The following NSDHL variants were observed in gnomAD, a reference collection of about 807,000 sequenced individuals.
The protein encoded by NSDHL is sterol-4-alpha-carboxylate 3-dehydrogenase, decarboxylating.
A neutral mutation model predicts 23.0 loss-of-function variants in NSDHL; 1 was observed. The observed-to-expected ratio is 0.04, with a 90% CI of 0.02 to 0.21. The LOEUF (loss-of-function observed/expected upper bound fraction) is 0.21. Among genes scored for constraint, NSDHL ranks in the 10% least tolerant of loss-of-function variants. The pLI is 1.00. For synonymous variants in NSDHL, 128 were observed against 121.1 expected, an observed-to-expected ratio of 1.06 and a Z score of -0.37; for missense variants, 237 against 300.9, an observed-to-expected ratio of 0.79 and a Z score of 1.57.
chrX:152,851,647 G>A (rs1556846314), intron 3 of NSDHL, among the ~76,000 whole-genome samples: 1 of 110,373 alleles, frequency 9.1e-6, no homozygotes, highest in African/African-American at 3.3e-5. Flanking sequence ...TGCTGCCTCC[G>A]AACCGTTCTC....
In NSDHL at chrX:152,835,695, A is replaced by G. The variant is rs1602920768; in HGVS notation, c.-44+4578A>G. Among the ~76,000 whole-genome samples, 4 of 111,791 alleles carry G rather than the reference A, an allele frequency of 3.6e-5. No homozygotes were observed. The South Asian group carries it at 1.1e-3, about 32-fold the overall frequency. On this transcript the variant is annotated intron_variant, in intron 1 of 7. Coordinates refer to ENST00000370274, the MANE Select transcript of NSDHL (RefSeq NM_015922.3). ...GTGCCACATTTTCTTAATCCAGTCT[A>G]TCAGTGTTGGACATTTGGGTTGGTT...
chrX:152,845,664 A>G (rs1556845440), intron 1 of NSDHL, among the ~76,000 whole-genome samples: 1 of 111,360 alleles, frequency 9.0e-6, no homozygotes, highest in African/African-American at 3.3e-5. Flanking sequence ...CTGATGGCCC[A>G]AGATGCTAAG....
Position 152,868,841 on chromosome X carries a change from C to T in NSDHL, c.847C>T (p.Leu283=). ...TTTCTGGACATTCCTGTCTCGCATC[C>T]TGACAGGCCTCAATTATGAGGCCCC... ...IPFWTFLSRI[L]TGLNYEAPKY... Residue 283 remains leucine, a synonymous_variant, in exon 8 of 8, where the codon CTG becomes TTG. Coordinates refer to ENST00000370274, the MANE Select transcript of NSDHL (RefSeq NM_015922.3). 1 of 1,211,324 alleles carries T rather than the reference C, an allele frequency of 8.3e-7. No homozygotes were observed. The highest frequency in any genetic ancestry group is 1.7e-5 in the African/African-American group (1 of 57,890).
chrX:152,867,281 G>T (rs1255823014), intron 6 of NSDHL, among the ~76,000 whole-genome samples: 1 of 112,242 alleles, frequency 8.9e-6, no homozygotes, highest in African/African-American at 3.2e-5. Flanking sequence ...GGGCTGAAAA[G>T]CTGCTACCCA....
At chrX:152,860,555 G>A (rs1411275594) in intron 4 of NSDHL, among the ~76,000 whole-genome samples, 2 of 110,737 alleles carry the variant, frequency 1.8e-5, no homozygotes, top group South Asian at 3.9e-4. Context: ...ACCTCTACAC[G>A]AATTTTTAAA....
rs782354864 is a variant in NSDHL, at chrX:152,846,356, A to G, written c.32A>G (p.Asp11Gly). The change falls in exon 2 of 8, where the codon GAC becomes GGC. Residue 11 changes from aspartate to glycine, a missense_variant. Physicochemically the swap from Asp to Gly is moderately conservative, Grantham distance 94. Around this residue, in one of 3 missense-constraint regions of NSDHL, gnomAD observed 81 missense variants for 103.3 expected, o/e 0.78. Coordinates refer to ENST00000370274, the MANE Select transcript of NSDHL (RefSeq NM_015922.3). ...CCAGCAGTTAGCGAGCCAATGAGAGACCAAGTCGCACGGACTCATTTGACA... is the reference window on the plus strand; with the variant it reads ...CCAGCAGTTAGCGAGCCAATGAGAGGCCAAGTCGCACGGACTCATTTGACA... MEPAVSEPMRDQVARTHLTED... is the reference protein window; with the variant it reads MEPAVSEPMRGQVARTHLTED... 2 of 1,210,872 alleles carry G rather than the reference A, an allele frequency of 1.7e-6. No homozygotes were observed. Among genetic ancestry groups the G allele is most frequent in the Non-Finnish European group, 2.2e-6 (2 of 894,412 alleles).
In NSDHL at chrX:152,858,877, C is replaced by G; in HGVS notation, c.375C>G (p.Thr125=). 8.3e-7 allele frequency: 1 copy of G among 1,207,325 alleles called. No homozygotes were observed. Residue 125 remains threonine, a synonymous_variant, in exon 4 of 8, where the codon ACC becomes ACG. Transcript: ENST00000370274. ...TTTATAGAGTGAATTACATTGGCAC[C>G]AAGAATGTCATTGAAACTTGCAAAG... ...ELFYRVNYIG[T]KNVIETCKEA...
rs781816721 is a variant in NSDHL, at chrX:152,838,263, AT to A, written c.-44+7154del. ...AAAAAACCAGCTCCTGGATTCACTG[AT>A]TTTTTTTGAAGGGTTTTTTGTGTCT... On this transcript the variant is annotated intron_variant, in intron 1 of 7. Transcript: ENST00000370274. Among the ~76,000 whole-genome samples the A allele has an allele frequency of 4.0e-4, 44 of 110,634 alleles. No homozygotes were observed. In the East Asian group the frequency reaches 4.6e-3, roughly 11 times the overall value.
At chrX:152,838,180 TCTCTC>T (rs1208522712) in intron 1 of NSDHL, among the ~76,000 whole-genome samples, 1 of 112,097 alleles carries the variant, frequency 8.9e-6, no homozygotes, top group Non-Finnish European at 1.9e-5. Context: ...ATTTGATTCT[TCTCTC>T]TTTTCTTCTT....
chrX:152,861,913 C>T (rs1256978852), intron 4 of NSDHL, among the ~76,000 whole-genome samples: 2 of 110,088 alleles, frequency 1.8e-5, no homozygotes, highest in East Asian at 2.8e-4. Flanking sequence ...CATCTGTAAG[C>T]GATGGAAGTT....
chrX:152,851,754 C>T (rs893599096), intron 3 of NSDHL, among the ~76,000 whole-genome samples: 4 of 110,869 alleles, frequency 3.6e-5, no homozygotes, highest in African/African-American at 1.3e-4. Context: ...CACCCACAGC[C>T]GCCTGCTCCC....
At chrX:152,866,010 C>T (rs782417628) in intron 6 of NSDHL, 49 bp downstream of exon 6, 68 of 1,183,721 alleles carry the variant, frequency 5.7e-5, no homozygotes, top group Admixed American at 1.5e-4. Context: ...GGTCCATGCT[C>T]GCATTCAGAG....
At chrX:152,831,666 C>G (rs1933016389) in intron 1 of NSDHL, 1 of 111,571 alleles carries the variant, frequency 9.0e-6, no homozygotes, top group Non-Finnish European at 1.9e-5. Flanking sequence ...GAGACGCCCT[C>G]ATCAGCAGAG....
chrX:152,833,794 T>G (rs374252715), intron 1 of NSDHL, among the ~76,000 whole-genome samples: 1 of 112,234 alleles, frequency 8.9e-6, no homozygotes, highest in African/African-American at 3.2e-5. Context: ...TGTGACTCTT[T>G]GCTTGCTCCT....
chrX:152,842,483 G>A (rs1556845016), intron 1 of NSDHL, among the ~76,000 whole-genome samples: 1 of 111,544 alleles, frequency 9.0e-6, no homozygotes, highest in East Asian at 2.8e-4. Context: ...GTGACGTTGA[G>A]CATCGTTTTT....
intron 1 of NSDHL, among the ~76,000 whole-genome samples, chrX:152,842,269 A>C (rs1399029647): frequency 9.0e-6 from 1 of 111,251 alleles, no homozygotes; most frequent in East Asian, 2.8e-4. Flanking sequence ...TCTCTGTTTA[A>C]TTTTTTTGAG....
chrX:152,845,974 C>T (rs1170174340), intron 1 of NSDHL, among the ~76,000 whole-genome samples: 2 of 112,838 alleles, frequency 1.8e-5, no homozygotes, highest in African/African-American at 6.4e-5. Context: ...ATGGAAAAAG[C>T]TACAATGCCA....
chrX:152,835,543 T>G (rs968864141), intron 1 of NSDHL, among the ~76,000 whole-genome samples: 1 of 97,262 alleles, frequency 1.0e-5, no homozygotes, highest in African/African-American at 3.9e-5. Context: ...AGTGAGAACA[T>G]GTGGTGTTTG....
intron 1 of NSDHL, among the ~76,000 whole-genome samples, chrX:152,840,111 G>A (rs1366322446): frequency 8.9e-6 from 1 of 112,137 alleles, no homozygotes. Flanking sequence ...AAGCTTGTGC[G>A]TATGTCATGA....
Sources: allele counts gnomAD v4.1 joint callset (sites outside exome capture counted in the v4.1 genomes callset), GRCh38; gene constraint gnomAD v4.1.1; regional missense constraint gnomAD v4.1.1; transcripts MANE v1.5; gene names NCBI Gene and HGNC (gene_info 2026-07-23, HGNC 2026-07-21).